RYR3: variants seen among roughly 807,000 people sequenced by gnomAD.
RYR3 encodes the protein brain ryanodine receptor-calcium release channel.
In RYR3, 207 loss-of-function variants were observed where a neutral mutation model predicts 584.3. The ratio of observed to expected loss-of-function variants is 0.35; its 90% CI spans 0.32 to 0.40. The LOEUF (loss-of-function observed/expected upper bound fraction) is 0.40. Ranked by LOEUF, RYR3 falls within the 10% of genes least tolerant of loss-of-function variation. RYR3 has a pLI of 1.00. For missense variants in RYR3, 5,616 were observed against 6,089.2 expected (o/e 0.92, Z 2.59); for synonymous variants, 2,416 against 2,248.5 (o/e 1.07, Z -2.11).
In RYR3 at chr15:33,529,952, G is replaced by A. The variant is rs533342525; in HGVS notation, c.280-640G>A. ...CATGCCTCCCTCTCCCACTGTTTGG[G>A]CAGCCACTGAGCAAATAGCCAAAGT... On this transcript the variant is annotated intron_variant, in intron 3 of 103. Coordinates refer to ENST00000634891, the MANE Select transcript of RYR3 (RefSeq NM_001036.6). Among the ~76,000 whole-genome samples the A allele has an allele frequency of 3.0e-4, 46 of 152,286 alleles. 1 individual carries two copies. The South Asian group carries it at 9.3e-3, about 31-fold the overall frequency.
chr15:33,564,831 A>G (rs2057613040), intron 11 of RYR3, among the ~76,000 whole-genome samples: 1 of 152,218 alleles, frequency 6.6e-6, no homozygotes, highest in African/African-American at 2.4e-5. Flanking sequence ...GTGCTTTTAT[A>G]AACTCTCTCC....
chr15:33,674,343 A>AAC (rs373877253), intron 38 of RYR3, among the ~76,000 whole-genome samples: 24 of 151,830 alleles, frequency 1.6e-4, no homozygotes, highest in African/African-American at 1.7e-4. Flanking sequence ...CCTCTCCCTA[A>AAC]ACACACACAC....
At chr15:33,473,647 C>T (rs1002475986) in intron 2 of RYR3, 109 bp downstream of exon 2, 5 of 1,122,938 alleles carry the variant, frequency 4.5e-6, no homozygotes, top group Non-Finnish European at 6.3e-6. Flanking sequence ...TGAAAGGACA[C>T]ATTTATTTTT....
At chr15:33,827,494 G>T (rs145484243) in intron 85 of RYR3, among the ~76,000 whole-genome samples, 59 of 152,282 alleles carry the variant, frequency 3.9e-4, no homozygotes, top group African/African-American at 1.4e-3. Context: ...ACACCAAATC[G>T]TCTGTTATGA....
chr15:33,603,367 G>T lies in RYR3; in HGVS notation c.2164+3G>T. On this transcript the variant is annotated splice_donor_region_variant and intron_variant, in intron 18 of 103. Transcript: ENST00000634891. ...TGATGGACTTCACCTTTGGTCAGGT[G>T]AGTACCTTGCTAAAGCTTTGGCTCA... 1 of 1,559,498 alleles carries T rather than the reference G, an allele frequency of 6.4e-7. No homozygotes were observed. Among genetic ancestry groups the T allele is most frequent in the South Asian group, 1.2e-5 (1 of 82,634 alleles).
chr15:33,425,911 G>A (rs770506001), intron 1 of RYR3, among the ~76,000 whole-genome samples: 67 of 152,190 alleles, frequency 4.4e-4, no homozygotes, highest in Middle Eastern at 6.8e-3. Flanking sequence ...CAAAGTGCTC[G>A]GATTACAGGC....
At chr15:33,511,836 T>C (rs2053041263) in intron 3 of RYR3, among the ~76,000 whole-genome samples, 1 of 152,226 alleles carries the variant, frequency 6.6e-6, no homozygotes, top group Non-Finnish European at 1.5e-5. Context: ...TGCAGTGCAG[T>C]GGCGCGATCT....
Position 33,557,593 on chromosome 15 carries a change from C to T in RYR3, c.973-5244C>T, listed in dbSNP as rs183048351. On this transcript the variant is annotated intron_variant, in intron 10 of 103. Transcript: ENST00000634891. ...AGAGATGGGGTTTCACCATGTTGGC[C>T]GGGATGGTCTTGATCTCCTGACTCC... Among the ~76,000 whole-genome samples, 733 of 152,204 alleles carry T rather than the reference C, an allele frequency of 4.8e-3. 4 individuals carry two copies. The highest frequency in any genetic ancestry group is 0.014 in the Middle Eastern group (4 of 294).
intron 91 of RYR3, among the ~76,000 whole-genome samples, 155 bp from the exon 92 acceptor site, chr15:33,843,330 AAAG>A (rs1395425284): frequency 6.6e-6 from 1 of 151,214 alleles, no homozygotes; most frequent in African/African-American, 2.5e-5. Context: ...AAAAAAAAAG[AAAG>A]AAAAGAATGC....
chr15:33,429,530 C>T (rs778669794), intron 1 of RYR3, among the ~76,000 whole-genome samples: 2 of 152,116 alleles, frequency 1.3e-5, no homozygotes, highest in Non-Finnish European at 2.9e-5. Context: ...TAATGGTGCT[C>T]TAATTGACTG....
intron 3 of RYR3, among the ~76,000 whole-genome samples, chr15:33,511,176 G>A (rs1048602720): frequency 1.3e-5 from 2 of 151,698 alleles, no homozygotes; most frequent in Admixed American, 1.3e-4. Context: ...TGACTTAGGC[G>A]ACAGCACATT....
chr15:33,646,521 GA>G lies in RYR3; in HGVS notation c.3940del (p.Arg1314GlyfsTer35). ...CCTGTCTGGACAGTGAAGCTTTCCAGAAAAGGTGAGGGTGAGGCCTCCAGTT... is the reference window on the plus strand; with the variant it reads ...CCTGTCTGGACAGTGAAGCTTTCCAGAAAGGTGAGGGTGAGGCCTCCAGTT... ...SPCLDSEAFQ[K>X]RKQMQEILSH... is the part of the protein sequence containing the mutation. On this transcript the variant is annotated frameshift_variant, in exon 29 of 104. Coordinates refer to ENST00000634891, the MANE Select transcript of RYR3 (RefSeq NM_001036.6). LOFTEE classifies it high-confidence loss of function. 3 of 1,609,100 alleles carry G rather than the reference GA, an allele frequency of 1.9e-6. No individual in the cohort carries two copies. The highest frequency in any genetic ancestry group is 1.7e-6 in the Non-Finnish European group (2 of 1,176,616).
In RYR3 at chr15:33,837,906, T is replaced by C; in HGVS notation, c.11926T>C (p.Tyr3976His). 2 of 1,613,988 alleles carry C rather than the reference T, an allele frequency of 1.2e-6. No homozygotes were observed. Among genetic ancestry groups the C allele is most frequent in the Non-Finnish European group, 1.7e-6 (2 of 1,179,888 alleles). The change falls in exon 89 of 104, where the codon TAC becomes CAC. Residue 3976 changes from tyrosine (Y) to histidine (H), a missense_variant. Tyr to His is a moderately conservative substitution (Grantham distance 83). Around this residue, in one of 9 missense-constraint regions of RYR3, gnomAD observed 258 missense variants for 297.3 expected, o/e 0.87. Transcript: ENST00000634891. ...AEADENDMFN[Y>H]VDFVDRFHEP... Reference sequence around the variant, plus strand: ...AGCTGATGAGAATGACATGTTTAATTACGTTGATTTTGTAGACCGGTTCCA... The same window carrying C: ...AGCTGATGAGAATGACATGTTTAATCACGTTGATTTTGTAGACCGGTTCCA...
At chr15:33,740,177 T>G (rs534690842) in intron 51 of RYR3, among the ~76,000 whole-genome samples, 182 bp downstream of exon 51, 16 of 152,316 alleles carry the variant, frequency 1.1e-4, no homozygotes, top group African/African-American at 2.9e-4. Flanking sequence ...TCTGTATTAT[T>G]ATATTCTGGG....
At chr15:33,699,351 C>CCT (rs1201322430) in intron 40 of RYR3, among the ~76,000 whole-genome samples, 1 of 143,048 alleles carries the variant, frequency 7.0e-6, no homozygotes, top group Non-Finnish European at 1.5e-5. Context: ...CTCTGTCTCT[C>CCT]CTCTCTCTCT....
chr15:33,700,251 A>G (rs1004044120), intron 41 of RYR3, among the ~76,000 whole-genome samples: 2 of 152,210 alleles, frequency 1.3e-5, no homozygotes, highest in Non-Finnish European at 2.9e-5. Context: ...TGCAGGCTGC[A>G]TACCTGTCCA....
intron 98 of RYR3, chr15:33,856,609 A>C (rs752387686): frequency 6.6e-6 from 1 of 152,618 alleles, no homozygotes; most frequent in Non-Finnish European, 1.5e-5. Flanking sequence ...ATGAAATAGT[A>C]TAAGGTAGGG....
chr15:33,502,829 T>C (rs2052117676), intron 2 of RYR3, among the ~76,000 whole-genome samples: 1 of 152,228 alleles, frequency 6.6e-6, no homozygotes, highest in South Asian at 2.1e-4. Context: ...TGTGCCTTCG[T>C]TTCCTTGGCT....
intron 60 of RYR3, 79 bp from the exon 61 acceptor site, chr15:33,768,579 G>T (rs927796913): frequency 8.3e-7 from 1 of 1,212,086 alleles, no homozygotes. Context: ...CACAGTGTAA[G>T]GGACATTGGG....
Sources: allele counts gnomAD v4.1 joint callset (sites outside exome capture counted in the v4.1 genomes callset), GRCh38; gene constraint gnomAD v4.1.1; regional missense constraint gnomAD v4.1.1; transcripts MANE v1.5; gene names NCBI Gene and HGNC (gene_info 2026-07-23, HGNC 2026-07-21).